Variants in E2F3 observed in about 807,000 individuals in gnomAD.
E2F3 encodes the protein transcription factor E2F3.
E2F3 carries 11 observed loss-of-function variants against 44.4 expected under a neutral mutation model. That is an observed-to-expected ratio of 0.25 (90% CI 0.16 to 0.41). The LOEUF (loss-of-function observed/expected upper bound fraction) is 0.41, where lower values mean the gene tolerates loss of function less well. Ranked by LOEUF, E2F3 falls within the 10% of genes least tolerant of loss-of-function variation. E2F3 has a pLI of 1.00. For synonymous variants in E2F3, 249 were observed against 253.0 expected (o/e 0.98, Z 0.15); for missense variants, 487 against 583.6 (o/e 0.83, Z 1.70).
At chr6:20,427,939 G>C (rs576598734) in intron 1 of E2F3, among the ~76,000 whole-genome samples, 3 of 152,316 alleles carry the variant, frequency 2.0e-5, no homozygotes, top group South Asian at 4.1e-4. Context: ...AGCACAGCAG[G>C]CCTCGGTGAA....
At chr6:20,422,596 A>T (rs1407779986) in intron 1 of E2F3, among the ~76,000 whole-genome samples, 1 of 152,150 alleles carries the variant, frequency 6.6e-6, no homozygotes, top group African/African-American at 2.4e-5. Flanking sequence ...ATTTAGAGGG[A>T]GGGATGTGTG....
At chr6:20,468,732 G>T (rs936154127) in intron 1 of E2F3, among the ~76,000 whole-genome samples, 5 of 152,136 alleles carry the variant, frequency 3.3e-5, no homozygotes, top group Non-Finnish European at 4.4e-5. Flanking sequence ...CCACCTAAGG[G>T]CAGCCGGCCT....
chr6:20,416,173 C>A (rs1329404520), intron 1 of E2F3, among the ~76,000 whole-genome samples: 1 of 152,190 alleles, frequency 6.6e-6, no homozygotes, highest in East Asian at 1.9e-4. Flanking sequence ...TCATGTATAT[C>A]ATTATTGTGG....
At chr6:20,475,345 A>G (rs907065685) in intron 1 of E2F3, among the ~76,000 whole-genome samples, 10 of 152,316 alleles carry the variant, frequency 6.6e-5, no homozygotes, top group African/African-American at 1.9e-4. Flanking sequence ...TAATGGTTCC[A>G]TAGGCCTTTG....
At chr6:20,448,845 C>T (rs1309200890) in intron 1 of E2F3, among the ~76,000 whole-genome samples, 1 of 152,322 alleles carries the variant, frequency 6.6e-6, no homozygotes, top group East Asian at 1.9e-4. Flanking sequence ...CTGAGCTTTA[C>T]TTAAAAGCAT....
Position 20,470,628 on chromosome 6 carries a change from C to CGTCTTTGGTTTTGAGACG in E2F3, c.394-9218_394-9217insGTCTTTGGTTTTGAGACG, listed in dbSNP as rs531230125. Among the ~76,000 whole-genome samples the CGTCTTTGGTTTTGAGACG allele has an allele frequency of 2.0e-5, 3 of 152,276 alleles. No individual in the cohort carries two copies. In the East Asian group the frequency reaches 5.8e-4, roughly 29 times the overall value. On this transcript the variant is annotated intron_variant, in intron 1 of 6. Coordinates refer to ENST00000346618, the MANE Select transcript of E2F3 (RefSeq NM_001949.5). ...ATTTCATTTTCCTTCTTCCTTTGTT[C>CGTCTTTGGTTTTGAGACG]AAAATACCTGTCTCGTCTTTGGTTT...
At chr6:20,432,802 G>A (rs771811411) in intron 1 of E2F3, among the ~76,000 whole-genome samples, 73 of 152,124 alleles carry the variant, frequency 4.8e-4, no homozygotes, top group Non-Finnish European at 9.7e-4. Context: ...GTATGGCCAG[G>A]GTGTGTTAAA....
intron 1 of E2F3, among the ~76,000 whole-genome samples, chr6:20,462,963 T>TCAGCCCC (rs1310062851): frequency 1.7e-5 from 2 of 120,510 alleles, no homozygotes; most frequent in African/African-American, 6.5e-5. Flanking sequence ...TCCTTCCACC[T>TCAGCCCC]CAGCCCCCAT....
At chr6:20,415,519 C>G (rs376032869) in intron 1 of E2F3, among the ~76,000 whole-genome samples, 1 of 152,152 alleles carries the variant, frequency 6.6e-6, no homozygotes, top group Admixed American at 6.5e-5. Context: ...TAACAACAAT[C>G]GAAATTATCT....
chr6:20,427,263 A>G (rs762670062), intron 1 of E2F3, among the ~76,000 whole-genome samples: 2 of 152,202 alleles, frequency 1.3e-5, no homozygotes, highest in Non-Finnish European at 2.9e-5. Context: ...TCTTACCCTA[A>G]TGAGGCTTTG....
intron 1 of E2F3, among the ~76,000 whole-genome samples, chr6:20,444,523 C>T (rs1334957302): frequency 6.6e-6 from 1 of 152,088 alleles, no homozygotes; most frequent in Non-Finnish European, 1.5e-5. Flanking sequence ...CGTGGGCCCT[C>T]AAGAAATACT....
chr6:20,441,959 GC>G (rs1440710102), intron 1 of E2F3, among the ~76,000 whole-genome samples: 3 of 151,638 alleles, frequency 2.0e-5, no homozygotes, highest in Non-Finnish European at 4.4e-5. Context: ...GGGGATTGAC[GC>G]GGATCCTTTC....
rs1762540506 is a variant in E2F3, at chr6:20,491,067, C to T, written c.*637C>T. 4.4e-6 allele frequency: 1 copy of T among 229,864 alleles called. No individual in the cohort carries two copies. Among genetic ancestry groups the T allele is most frequent in the African/African-American group, 2.2e-5 (1 of 45,138 alleles). The allele number at this position is 229,864 out of a possible 1,614,324, so 14.2% of individuals were successfully genotyped here. A position where few individuals can be genotyped will look rare whatever the true frequency, so the allele number is the denominator to read the frequency against. On this transcript the variant is annotated 3_prime_UTR_variant, in exon 7 of 7. Coordinates refer to ENST00000346618, the MANE Select transcript of E2F3 (RefSeq NM_001949.5). The stretch of plus-strand genomic sequence containing the variant: ...GCCTTCTGGATGAAGAACCTGTTTT[C>T]AAATATACTTGTTGCAGATACAGAA...
At chr6:20,403,862 C>G in intron 1 of E2F3, 1 of 1,363,962 alleles carries the variant, frequency 7.3e-7, no homozygotes, top group Non-Finnish European at 9.8e-7. Flanking sequence ...CGGGGGCCGC[C>G]GACGCCGCGG....
chr6:20,471,545 C>T (rs1761890149), intron 1 of E2F3, among the ~76,000 whole-genome samples: 1 of 152,124 alleles, frequency 6.6e-6, no homozygotes, highest in Non-Finnish European at 1.5e-5. Flanking sequence ...TGCACCATTG[C>T]ACTCTAGCCT....
At chr6:20,435,196 T>A (rs779635222) in intron 1 of E2F3, among the ~76,000 whole-genome samples, 2 of 152,122 alleles carry the variant, frequency 1.3e-5, no homozygotes, top group Admixed American at 1.3e-4. Context: ...GCCCCAAGTC[T>A]CCAACTCCTG....
At chr6:20,425,316 C>G (rs1358886332) in intron 1 of E2F3, among the ~76,000 whole-genome samples, 1 of 151,644 alleles carries the variant, frequency 6.6e-6, no homozygotes, top group East Asian at 1.9e-4. Flanking sequence ...GTGAGGAATA[C>G]ACAGCCCTGG....
In E2F3 at chr6:20,436,452, A is replaced by AAC. The variant is rs765678025; in HGVS notation, c.393+33853_393+33854dup. The stretch of plus-strand genomic sequence containing the variant: ...ACTAACAATAGCTGATGAGCTAGGA[A>AAC]ACACACACACACACACACACACACA... On this transcript the variant is annotated intron_variant, in intron 1 of 6. Transcript: ENST00000346618. Among the ~76,000 whole-genome samples, 620 of 146,322 alleles carry AAC rather than the reference A, an allele frequency of 4.2e-3. 9 individuals carry two copies. In the East Asian group the frequency reaches 0.045, roughly 11 times the overall value.
At chr6:20,426,453 C>T (rs1760217764) in intron 1 of E2F3, among the ~76,000 whole-genome samples, 1 of 152,204 alleles carries the variant, frequency 6.6e-6, no homozygotes, top group South Asian at 2.1e-4. Flanking sequence ...GGTTTACTTC[C>T]AGACTGAGAG....
Sources: allele counts gnomAD v4.1 joint callset (sites outside exome capture counted in the v4.1 genomes callset), GRCh38; gene constraint gnomAD v4.1.1; transcripts MANE v1.5; gene names NCBI Gene and HGNC (gene_info 2026-07-23, HGNC 2026-07-21).